Variants in TCF3 observed in about 807,000 individuals in gnomAD.
TCF3 encodes transcription factor E2-alpha.
TCF3 carries 54 observed loss-of-function variants against 72.3 expected under a neutral mutation model. The ratio of observed to expected loss-of-function variants is 0.75; its 90% CI spans 0.60 to 0.94. TCF3 has a LOEUF of 0.94. Among genes scored for constraint, TCF3 ranks in the 40% least tolerant of loss-of-function variants. The pLI is 0.00. For missense variants in TCF3, 1,078 were observed against 934.4 expected, an observed-to-expected ratio of 1.15 and a Z score of -2.00; for synonymous variants, 525 against 412.6, an observed-to-expected ratio of 1.27 and a Z score of -3.30.
chr19:1,649,616 C>T (rs2066681498), intron 2 of TCF3, among the ~76,000 whole-genome samples: 1 of 151,994 alleles, frequency 6.6e-6, no homozygotes, highest in Admixed American at 6.6e-5. Flanking sequence ...GAAATGGGGC[C>T]TCACTATGTT....
intron 1 of TCF3, chr19:1,650,901 A>G (rs1376503393): frequency 8.7e-6 from 2 of 230,662 alleles, no homozygotes; most frequent in Non-Finnish European, 1.7e-5. Context: ...TGCAGGGACC[A>G]GCAAAGCTTT....
chr19:1,621,927 G>A lies in TCF3; in HGVS notation c.866C>T (p.Ser289Phe). The change falls in exon 11 of 19, where the codon TCT becomes TTT. Residue 289 changes from serine (S) to phenylalanine (F), a missense_variant. Coordinates refer to ENST00000262965, the MANE Select transcript of TCF3 (RefSeq NM_003200.5). ...GGGGGCTGAGGAGAAGGAGGATGCA[G>A]ATGGGAGCCCACCGTTCACCTCTGC... ...HGAEVNGGLP[S>F]ASSFSSAPGA... 2 of 1,605,212 alleles carry A rather than the reference G, an allele frequency of 1.2e-6. No individual in the cohort carries two copies. The highest frequency in any genetic ancestry group is 8.5e-7 in the Non-Finnish European group (1 of 1,176,998).
chr19:1,632,160 G>A (rs746888487), intron 4 of TCF3, 44 bp from the exon 5 acceptor site: 1 of 1,596,046 alleles, frequency 6.3e-7, no homozygotes, highest in East Asian at 2.3e-5. Flanking sequence ...GGGCTTCACA[G>A]GCCCCCCCTC....
rs755623369 is a variant in TCF3 at position 1,611,775 on chromosome 19, G to C, written c.1897C>G (p.Pro633Ala). The C allele has an allele frequency of 3.2e-5, 51 of 1,613,746 alleles. No individual in the cohort carries two copies. The highest frequency in any genetic ancestry group is 3.9e-5 in the Non-Finnish European group (46 of 1,179,962). Residue 633 changes from proline (P) to alanine (A), a missense_variant, in exon 19 of 19, where the codon CCC becomes GCC. Coordinates refer to ENST00000262965, the MANE Select transcript of TCF3 (RefSeq NM_003200.5). Reference protein sequence around the residue: ...EEKVSGVVGDPQMVLSAPHPG... With the variant: ...EEKVSGVVGDAQMVLSAPHPG... ...TGGGGAGCTGAAAGCACCATCTGGG[G>C]GTCTCCAACCACACCTGACACCTTT...
At chr19:1,649,324 G>T (rs1030644987) in intron 2 of TCF3, among the ~76,000 whole-genome samples, 3 of 152,240 alleles carry the variant, frequency 2.0e-5, no homozygotes. Flanking sequence ...TTTCATGCCC[G>T]CATCCTCTGC....
intron 5 of TCF3, among the ~76,000 whole-genome samples, chr19:1,630,017 C>T (rs1012087621): frequency 2.6e-5 from 4 of 152,152 alleles, no homozygotes; most frequent in South Asian, 2.1e-4. Flanking sequence ...AAAAGCCCCC[C>T]GTGCCTCCCC....
chr19:1,613,957 G>A (rs567295973), intron 18 of TCF3, among the ~76,000 whole-genome samples: 1 of 152,398 alleles, frequency 6.6e-6, no homozygotes, highest in Admixed American at 6.5e-5. Flanking sequence ...GCATGCAGCT[G>A]GCGAGCGGGC....
chr19:1,634,610 G>A (rs1340305374), intron 3 of TCF3, among the ~76,000 whole-genome samples: 1 of 152,250 alleles, frequency 6.6e-6, no homozygotes, highest in African/African-American at 2.4e-5. Context: ...CCAGGCTGGT[G>A]GTTTCCCAGT....
intron 1 of TCF3, among the ~76,000 whole-genome samples, chr19:1,652,040 C>T (rs2145855439): frequency 6.6e-6 from 1 of 150,892 alleles, no homozygotes. Context: ...CCCGGGGCTG[C>T]TTAAAGTTTC....
intron 18 of TCF3, among the ~76,000 whole-genome samples, chr19:1,613,796 G>GT (rs148202217): frequency 0.015 from 2,309 of 152,206 alleles, 61 homozygotes; most frequent in African/African-American, 0.052. Flanking sequence ...AGCCCTCCCT[G>GT]AGCTCCTGCC....
intron 6 of TCF3, 126 bp downstream of exon 6, chr19:1,627,233 C>A: frequency 1.4e-6 from 1 of 714,162 alleles, no homozygotes; most frequent in South Asian, 2.1e-5. Context: ...CCAAGCCCAG[C>A]CTGGTTTCGC....
chr19:1,650,530 G>T (rs192314163), intron 1 of TCF3: 4 of 408,504 alleles, frequency 9.8e-6, no homozygotes, highest in African/African-American at 6.1e-5. Flanking sequence ...GAAAAATGGG[G>T]GGAGGGTGTG....
chr19:1,633,117 C>T (rs952048764), intron 3 of TCF3, among the ~76,000 whole-genome samples: 7 of 152,214 alleles, frequency 4.6e-5, no homozygotes, highest in African/African-American at 1.7e-4. Flanking sequence ...GCCCTTATCT[C>T]TCAGAACACT....
rs964718687 is a variant in TCF3, at chr19:1,609,960, G to A, written c.*1747C>T. 6 of 232,778 alleles carry A rather than the reference G, an allele frequency of 2.6e-5. No homozygotes were observed. Among genetic ancestry groups the A allele is most frequent in the African/African-American group, 1.1e-4 (5 of 45,292 alleles). The allele number at this position is 232,778 out of a possible 1,614,324, so 14.4% of individuals were successfully genotyped here. On this transcript the variant is annotated 3_prime_UTR_variant, in exon 19 of 19. Transcript: ENST00000262965. ...GCCTCAATGCAGGGAGGGGCATGAA[G>A]GGCACATGAAGGCCCCCAGCTAGCC...
chr19:1,646,319 CA>C (rs765196098), intron 3 of TCF3, 35 bp downstream of exon 3: 294 of 1,545,810 alleles, frequency 1.9e-4, no homozygotes, highest in Non-Finnish European at 2.5e-4. Flanking sequence ...TTGATCTCCT[CA>C]CTCCACGAGC....
At position 1,622,129 on chromosome 19, in the gene TCF3, G is replaced by A. The variant is rs1210429193; in HGVS notation, c.747C>T (p.Leu249=). The change falls in exon 10 of 19, where the codon CTC becomes CTT. Residue 249 remains leucine, a synonymous_variant. Transcript: ENST00000262965. ...TGCCCACCGGGCCGCTACCGGGCGG[G>A]AGGGGCAGCGGGGATGAGCCCCCAC... ...MLGGGSSPLP[L]PPGSGPVGSS... 1.9e-6 allele frequency: 3 copies of A among 1,594,772 alleles called. No homozygotes were observed. Among genetic ancestry groups the A allele is most frequent in the East Asian group, 4.5e-5 (2 of 44,058 alleles).
chr19:1,633,175 G>T (rs2063928177), intron 3 of TCF3, among the ~76,000 whole-genome samples: 2 of 152,200 alleles, frequency 1.3e-5, no homozygotes, highest in African/African-American at 4.8e-5. Flanking sequence ...GGGCAGGGAG[G>T]GCCTGCTTGG....
rs757899150 is a variant in TCF3 at position 1,632,353 on chromosome 19, G to C, written c.198C>G (p.Ser66Arg). 7 of 1,591,628 alleles carry C rather than the reference G, an allele frequency of 4.4e-6. No individual in the cohort carries two copies. The highest frequency in any genetic ancestry group is 6.0e-6 in the Non-Finnish European group (7 of 1,169,444). ...CTACCCGGCTGGGGTCAAAGGAGGA[G>C]CTGCTCTGGTCGCCGCTGCCCCAGG... Reference protein sequence around the residue: ...SGSWGSGDQSSSSFDPSRTFS... With the variant: ...SGSWGSGDQSRSSFDPSRTFS... Residue 66 changes from serine to arginine, a missense_variant, in exon 4 of 19, where the codon AGC becomes AGG. Transcript: ENST00000262965.
At chr19:1,641,250 G>T (rs1277599709) in intron 3 of TCF3, among the ~76,000 whole-genome samples, 1 of 151,362 alleles carries the variant, frequency 6.6e-6, no homozygotes, top group Admixed American at 6.6e-5. Flanking sequence ...AGGGAATTAT[G>T]CTAACGTAAC....
Sources: allele counts gnomAD v4.1 joint callset (sites outside exome capture counted in the v4.1 genomes callset), GRCh38; gene constraint gnomAD v4.1.1; transcripts MANE v1.5; gene names NCBI Gene and HGNC (gene_info 2026-07-23, HGNC 2026-07-21).